The following DLGAP2 variants were observed in gnomAD, a reference collection of about 807,000 sequenced individuals.
DLGAP2 encodes DLG associated protein 2.
A neutral mutation model predicts 100.3 loss-of-function variants in DLGAP2; 26 were observed. That is an observed-to-expected ratio of 0.26 (90% confidence interval 0.19 to 0.36). The LOEUF is 0.36. Among genes scored for constraint, DLGAP2 ranks in the 10% least tolerant of loss-of-function variants. DLGAP2 has a pLI of 1.00. For missense variants in DLGAP2, 1,858 were observed against 1,453.2 expected (o/e 1.28, Z -4.53); for synonymous variants, 886 against 630.1 (o/e 1.41, Z -6.08).
At chr8:1,300,387 A>T (rs12679463) in intron 3 of DLGAP2, 1 of 152,132 alleles carries the variant, frequency 6.6e-6, no homozygotes, top group South Asian at 2.1e-4. Context: ...CCCTCCCTAC[A>T]CTGGCGTTTG....
At chr8:1,054,664 T>G (rs1802824640) in intron 2 of DLGAP2, among the ~76,000 whole-genome samples, 1 of 152,198 alleles carries the variant, frequency 6.6e-6, no homozygotes, top group South Asian at 2.1e-4. Flanking sequence ...ATTGACTGCT[T>G]AATTTAAATA....
chr8:1,595,426 G>C (rs1237095426), intron 6 of DLGAP2, among the ~76,000 whole-genome samples: 1 of 151,960 alleles, frequency 6.6e-6, no homozygotes, highest in African/African-American at 2.4e-5. Context: ...CACTTTGGGA[G>C]GCCGAGGCGG....
At position 1,338,130 on chromosome 8, in the gene DLGAP2, A is replaced by G. The variant is rs539224656; in HGVS notation, c.106+79247A>G. 2.0e-5 allele frequency among the ~76,000 whole-genome samples: 3 copies of G among 152,380 alleles called. No homozygotes were observed. In the East Asian group the frequency reaches 5.8e-4, roughly 29 times the overall value. ...CCATGTGGTTTAGTTAGGAAATTCC[A>G]CACAAAGTTAAACAGACAGTTACCT... On this transcript the variant is annotated intron_variant, in intron 3 of 14. Coordinates refer to ENST00000637795, the MANE Select transcript of DLGAP2 (RefSeq NM_001346810.2).
chr8:1,140,453 C>A (rs1355925925), intron 2 of DLGAP2, among the ~76,000 whole-genome samples: 3 of 152,180 alleles, frequency 2.0e-5, no homozygotes, highest in African/African-American at 7.2e-5. Context: ...CTCCCAGAAC[C>A]AGCCCTGGTG....
intron 2 of DLGAP2, among the ~76,000 whole-genome samples, chr8:984,050 T>A (rs924488593): frequency 2.0e-5 from 3 of 152,098 alleles, no homozygotes; most frequent in African/African-American, 7.2e-5. Context: ...GTGCGGGCGG[T>A]CACTCCTCCC....
At chr8:790,572 C>T (rs924369149) in intron 1 of DLGAP2, among the ~76,000 whole-genome samples, 3 of 152,130 alleles carry the variant, frequency 2.0e-5, no homozygotes, top group African/African-American at 7.2e-5. Flanking sequence ...TAGATGTTTC[C>T]TGGTCCCAGT....
chr8:1,453,093 C>G (rs1019117930), intron 3 of DLGAP2, among the ~76,000 whole-genome samples: 1 of 152,024 alleles, frequency 6.6e-6, no homozygotes, highest in African/African-American at 2.4e-5. Context: ...AGAGAAATCC[C>G]TTGTAGAGGA....
intron 2 of DLGAP2, among the ~76,000 whole-genome samples, chr8:1,063,950 C>G (rs547764744): frequency 6.6e-6 from 1 of 152,268 alleles, no homozygotes; most frequent in African/African-American, 2.4e-5. Flanking sequence ...AAGTGCTGGC[C>G]TCCGCAGCCA....
At chr8:1,327,529 T>C (rs1801048546) in intron 3 of DLGAP2, among the ~76,000 whole-genome samples, 1 of 152,138 alleles carries the variant, frequency 6.6e-6, no homozygotes, top group African/African-American at 2.4e-5. Context: ...TTTTAAAAAG[T>C]TTAAATCTCT....
chr8:1,370,192 AG>A (rs1802204296), intron 3 of DLGAP2, among the ~76,000 whole-genome samples: 1 of 152,132 alleles, frequency 6.6e-6, no homozygotes, highest in South Asian at 2.1e-4. Context: ...CAGTGTCCTC[AG>A]CACTGCCCTT....
intron 2 of DLGAP2, among the ~76,000 whole-genome samples, chr8:1,144,481 C>A (rs1431137243): frequency 1.3e-5 from 2 of 152,244 alleles, no homozygotes; most frequent in Non-Finnish European, 2.9e-5. Flanking sequence ...CCTCCCCAGT[C>A]TGCGTCCTGC....
intron 8 of DLGAP2, among the ~76,000 whole-genome samples, chr8:1,664,482 C>G (rs558358077): frequency 6.6e-6 from 1 of 152,280 alleles, no homozygotes; most frequent in East Asian, 1.9e-4. Context: ...ATGGAGCACA[C>G]TGGGGCCAGG....
At chr8:1,121,884 A>G (rs1032046783) in intron 2 of DLGAP2, among the ~76,000 whole-genome samples, 1 of 152,218 alleles carries the variant, frequency 6.6e-6, no homozygotes, top group African/African-American at 2.4e-5. Context: ...TTCCTTTAGC[A>G]TCCATGAGCA....
At chr8:1,571,842 G>A (rs1279666041) in intron 6 of DLGAP2, among the ~76,000 whole-genome samples, 1 of 138,120 alleles carries the variant, frequency 7.2e-6, no homozygotes, top group African/African-American at 2.9e-5. Context: ...GTAAACTGTG[G>A]GGGCGTCTGC....
chr8:1,104,548 C>T (rs1563194086), intron 2 of DLGAP2, among the ~76,000 whole-genome samples: 3 of 152,190 alleles, frequency 2.0e-5, no homozygotes, highest in African/African-American at 2.4e-5. Flanking sequence ...ATCCTGAACA[C>T]GATCAATAAC....
intron 2 of DLGAP2, among the ~76,000 whole-genome samples, chr8:1,183,833 C>T (rs150613567): frequency 2.8e-3 from 434 of 152,314 alleles, no homozygotes; most frequent in African/African-American, 9.9e-3. Flanking sequence ...AGGCAGAGAA[C>T]GTACTGCCTC....
intron 2 of DLGAP2, among the ~76,000 whole-genome samples, chr8:1,068,881 T>C (rs2701900): frequency 0.023 from 3,555 of 152,070 alleles, 123 homozygotes; most frequent in African/African-American, 0.081. Flanking sequence ...AGAGTGAGGA[T>C]TTTTGCATAA....
chr8:1,605,211 G>A (rs1040563240), intron 6 of DLGAP2, among the ~76,000 whole-genome samples: 6 of 152,118 alleles, frequency 3.9e-5, no homozygotes, highest in Non-Finnish European at 5.9e-5. Context: ...GCACAGAACC[G>A]AATGCAAGCC....
intron 2 of DLGAP2, among the ~76,000 whole-genome samples, chr8:918,578 G>A (rs1327907974): frequency 2.6e-5 from 4 of 152,184 alleles, no homozygotes; most frequent in Admixed American, 1.3e-4. Context: ...GGTGTTCACC[G>A]CAGTCTTCTG....
Sources: gnomAD v4.1 joint callset for allele counts (sites outside exome capture counted in the v4.1 genomes callset) on GRCh38, gnomAD v4.1.1 for gene constraint, MANE v1.5 for transcripts, NCBI Gene and HGNC (gene_info 2026-07-23, HGNC 2026-07-21) for gene names.